EML4: variants seen among roughly 807,000 people sequenced by gnomAD.
EML4 encodes EMAP like 4.
EML4 carries 72 observed loss-of-function variants against 129.0 expected under a neutral mutation model. The observed-to-expected ratio is 0.56, with a 90% CI of 0.46 to 0.68. The LOEUF (loss-of-function observed/expected upper bound fraction) is 0.68, where lower values mean the gene tolerates loss of function less well. Ranked by LOEUF, EML4 falls within the 30% of genes least tolerant of loss-of-function variation. The probability of loss-of-function intolerance (pLI) is 0.00; values close to 1 mark genes in which losing one functional copy is unlikely to be tolerated. For synonymous variants in EML4, 532 were observed against 405.0 expected, an observed-to-expected ratio of 1.31 and a Z score of -3.77; for missense variants, 1,363 against 1,190.6, an observed-to-expected ratio of 1.14 and a Z score of -2.13.
At chr2:42,300,262 C>G (rs1353335587) in intron 13 of EML4, among the ~76,000 whole-genome samples, 4 of 152,326 alleles carry the variant, frequency 2.6e-5, no homozygotes, top group South Asian at 4.1e-4. Flanking sequence ...AGGACATCAT[C>G]TTCCAAAAAG....
chr2:42,181,745 G>T (rs1670956898), intron 1 of EML4, among the ~76,000 whole-genome samples: 1 of 151,714 alleles, frequency 6.6e-6, no homozygotes, highest in African/African-American at 2.4e-5. Context: ...TTCTTGTTTT[G>T]TGACACAATA....
chr2:42,283,532 T>G (rs1425626422), intron 8 of EML4, among the ~76,000 whole-genome samples: 1 of 152,182 alleles, frequency 6.6e-6, no homozygotes, highest in Non-Finnish European at 1.5e-5. Context: ...ACTTTTATTT[T>G]TTATTTATTA....
chr2:42,192,707 A>C (rs1671671666), intron 1 of EML4, among the ~76,000 whole-genome samples: 1 of 152,194 alleles, frequency 6.6e-6, no homozygotes, highest in African/African-American at 2.4e-5. Flanking sequence ...TTAAAGCATG[A>C]AGGATTTTGC....
chr2:42,191,129 C>T (rs992382366), intron 1 of EML4, among the ~76,000 whole-genome samples: 10 of 152,134 alleles, frequency 6.6e-5, no homozygotes, highest in Non-Finnish European at 1.2e-4. Context: ...GAATAGTAAG[C>T]CCTGATAAAC....
intron 1 of EML4, among the ~76,000 whole-genome samples, chr2:42,192,622 C>T (rs1264647532): frequency 6.6e-5 from 10 of 152,118 alleles, no homozygotes; most frequent in African/African-American, 1.4e-4. Flanking sequence ...AAATCTTGGT[C>T]ATCTCTTGCC....
chr2:42,242,929 C>T (rs1675134358), intron 1 of EML4, among the ~76,000 whole-genome samples: 1 of 151,940 alleles, frequency 6.6e-6, no homozygotes, highest in South Asian at 2.1e-4. Context: ...AAACACGTGC[C>T]ACCATGCCCA....
intron 17 of EML4, among the ~76,000 whole-genome samples, chr2:42,313,185 T>C (rs1265330495): frequency 6.6e-6 from 1 of 151,612 alleles, no homozygotes; most frequent in Non-Finnish European, 1.5e-5. Context: ...CTCGATCTCC[T>C]GACCTCGTGA....
intron 1 of EML4, among the ~76,000 whole-genome samples, chr2:42,198,707 T>A (rs1672040763): frequency 6.6e-6 from 1 of 151,624 alleles, no homozygotes; most frequent in Non-Finnish European, 1.5e-5. Context: ...TGGAAGAGAG[T>A]TGTGAGGATT....
intron 1 of EML4, among the ~76,000 whole-genome samples, chr2:42,219,085 C>T (rs188991996): frequency 1.2e-3 from 186 of 152,334 alleles, no homozygotes; most frequent in Middle Eastern, 3.4e-3. Flanking sequence ...ACACCAATGA[C>T]TCTTGGCCAT....
rs370595366 is a variant in EML4 at position 42,280,817 on chromosome 2, G to A, written c.668-33G>A. The A allele has an allele frequency of 2.6e-5, 41 of 1,561,454 alleles. 1 individual carries two copies. Among genetic ancestry groups the A allele is most frequent in the Middle Eastern group, 1.7e-4 (1 of 5,906 alleles). ...TTTTGTATGACTATACAGAAAATAC[G>A]TATGACTTAACTTTTGTCTTGTGTT... On this transcript the variant is annotated intron_variant, in intron 6 of 22. Transcript: ENST00000318522.
At chr2:42,312,647 G>A (rs561145464) in intron 17 of EML4, among the ~76,000 whole-genome samples, 10 of 151,954 alleles carry the variant, frequency 6.6e-5, no homozygotes, top group African/African-American at 1.9e-4. Context: ...TCCACCTCCC[G>A]GGTTTAAATG....
At chr2:42,281,285 C>G (rs1345327509) in intron 7 of EML4, among the ~76,000 whole-genome samples, 1 of 151,196 alleles carries the variant, frequency 6.6e-6, no homozygotes, top group Non-Finnish European at 1.5e-5. Flanking sequence ...CCCAGCTACT[C>G]GGGAGGCTGA....
chr2:42,306,484 CTTTTT>C (rs375707062), intron 17 of EML4, among the ~76,000 whole-genome samples: 21 of 74,596 alleles, frequency 2.8e-4, no homozygotes, highest in African/African-American at 8.0e-4. Flanking sequence ...GTGCTAAATC[CTTTTT>C]TTTTTTTTTT....
intron 3 of EML4, among the ~76,000 whole-genome samples, chr2:42,257,700 G>A (rs1382694678): frequency 6.6e-6 from 1 of 152,118 alleles, no homozygotes; most frequent in Non-Finnish European, 1.5e-5. Context: ...AGCCAGGCGT[G>A]GTGGCAGGTG....
At chr2:42,263,361 AT>A in intron 5 of EML4, 55 bp downstream of exon 5, 2 of 841,506 alleles carry the variant, frequency 2.4e-6, no homozygotes, top group South Asian at 2.9e-5. Context: ...TTTGGCTATT[AT>A]GTTTGCATGT....
Position 42,310,272 on chromosome 2 carries a change from C to T in EML4, c.1968-5690C>T, listed in dbSNP as rs565835442. The stretch of plus-strand genomic sequence containing the variant: ...AGGCCTAATGGATCTTTCTTCCTTT[C>T]TCCCCTTCCCCTTTCCCTTCCCATT... On this transcript the variant is annotated intron_variant, in intron 17 of 22. Transcript: ENST00000318522. Among the ~76,000 whole-genome samples the T allele has an allele frequency of 8.2e-4, 125 of 151,952 alleles. 1 individual carries two copies. The highest frequency in any genetic ancestry group is 2.3e-3 in the Admixed American group (35 of 15,258).
intron 21 of EML4, among the ~76,000 whole-genome samples, 181 bp downstream of exon 21, chr2:42,326,433 G>A (rs187993380): frequency 2.2e-4 from 33 of 152,294 alleles, no homozygotes; most frequent in Admixed American, 1.9e-3. Context: ...GTATTTTGCA[G>A]AATCAAGCAC....
intron 12 of EML4, 24 bp from the exon 13 acceptor site, chr2:42,295,357 A>T: frequency 1.2e-6 from 2 of 1,605,038 alleles, no homozygotes; most frequent in South Asian, 2.3e-5. Flanking sequence ...AAGAAAACTG[A>T]AAATTTTTAT....
In EML4 at chr2:42,178,897, T is replaced by G. The variant is rs115231209; in HGVS notation, c.25+9261T>G. ...TATTTAACTTTAAAATTTATATGATTGTTTTGCATCCATTATAATAAAGAT... is the reference window on the plus strand; with the variant it reads ...TATTTAACTTTAAAATTTATATGATGGTTTTGCATCCATTATAATAAAGAT... On this transcript the variant is annotated intron_variant, in intron 1 of 22. Transcript: ENST00000318522. 8.2e-3 allele frequency among the ~76,000 whole-genome samples: 1,247 copies of G among 152,318 alleles called. 18 individuals carry two copies. The highest frequency in any genetic ancestry group is 0.029 in the African/African-American group (1,198 of 41,552).
Sources: gnomAD v4.1 joint callset for allele counts (sites outside exome capture counted in the v4.1 genomes callset) on GRCh38, gnomAD v4.1.1 for gene constraint, MANE v1.5 for transcripts, NCBI Gene and HGNC (gene_info 2026-07-23, HGNC 2026-07-21) for gene names.